Variants in RNF216 observed in about 807,000 individuals in gnomAD.
RNF216 encodes the protein ring finger protein 216.
In RNF216, 72 loss-of-function variants were observed where a neutral mutation model predicts 110.8. The observed-to-expected ratio is 0.65, with a 90% CI of 0.54 to 0.79. The LOEUF (loss-of-function observed/expected upper bound fraction) is 0.79. Ranked by LOEUF, RNF216 falls within the 30% of genes least tolerant of loss-of-function variation. RNF216 has a pLI of 0.00. For missense variants in RNF216, 1,342 were observed against 1,141.2 expected (o/e 1.18, Z -2.54); for synonymous variants, 495 against 407.5 (o/e 1.21, Z -2.59).
chr7:5,774,170 C>A (rs940940044), intron 1 of RNF216, among the ~76,000 whole-genome samples: 5 of 88,392 alleles, frequency 5.7e-5, no homozygotes, highest in Non-Finnish European at 4.3e-5. Context: ...GATAATACTG[C>A]CTATGTTTAA....
intron 1 of RNF216, among the ~76,000 whole-genome samples, chr7:5,780,621 C>T (rs1185400973): frequency 3.3e-5 from 5 of 151,946 alleles, no homozygotes; most frequent in Non-Finnish European, 7.4e-5. Context: ...AGGAAAATCG[C>T]TTGAATCCGG....
intron 15 of RNF216, 75 bp downstream of exon 15, chr7:5,641,079 A>G: frequency 1.6e-6 from 2 of 1,212,996 alleles, no homozygotes; most frequent in Non-Finnish European, 2.3e-6. Context: ...TGTTACGTAT[A>G]TTCAAAATAT....
intron 13 of RNF216, among the ~76,000 whole-genome samples, chr7:5,669,766 C>T (rs1333708483): frequency 6.6e-6 from 1 of 152,096 alleles, no homozygotes; most frequent in Non-Finnish European, 1.5e-5. Context: ...GTGTTGTGCA[C>T]TTGTGATCCA....
In RNF216 at chr7:5,736,648, C is replaced by T. The variant is rs78901221; in HGVS notation, c.1121+2628G>A. On this transcript the variant is annotated intron_variant, in intron 5 of 16. Coordinates refer to ENST00000389902, the MANE Select transcript of RNF216 (RefSeq NM_207111.4). ...CTGGGAAGTGAGGAGCGCCTCTTCCCGGCCACCATCCCTTCTAGGAAGTGA... is the reference window on the plus strand; with the variant it reads ...CTGGGAAGTGAGGAGCGCCTCTTCCTGGCCACCATCCCTTCTAGGAAGTGA... Among the ~76,000 whole-genome samples the T allele has an allele frequency of 2.0e-5, 3 of 151,228 alleles. No homozygotes were observed. In the East Asian group the frequency reaches 5.9e-4, roughly 30 times the overall value.
intron 1 of RNF216, among the ~76,000 whole-genome samples, chr7:5,781,305 G>A (rs1797077042): frequency 6.6e-6 from 1 of 152,078 alleles, no homozygotes; most frequent in African/African-American, 2.4e-5. Context: ...GGGGCCACCC[G>A]GCCGCTCAGC....
Position 5,622,596 on chromosome 7 carries a change from C to T in RNF216, c.*264G>A, listed in dbSNP as rs966399339. On this transcript the variant is annotated 3_prime_UTR_variant, in exon 17 of 17. Transcript: ENST00000389902. ...GCCATGGACAAGGCAGAAGGACTGCCGTTGGTGGCCTGGGGGATGCGAGGG... is the reference window on the plus strand; with the variant it reads ...GCCATGGACAAGGCAGAAGGACTGCTGTTGGTGGCCTGGGGGATGCGAGGG... 7 of 475,158 alleles carry T rather than the reference C, an allele frequency of 1.5e-5. No individual in the cohort carries two copies. The Middle Eastern group carries it at 1.3e-3, about 88-fold the overall frequency. 29.4% of individuals were successfully genotyped at this position (475,158 alleles called of 1,614,324 possible).
At chr7:5,757,285 C>G (rs532903937) in intron 2 of RNF216, among the ~76,000 whole-genome samples, 2 of 152,244 alleles carry the variant, frequency 1.3e-5, no homozygotes, top group South Asian at 4.1e-4. Flanking sequence ...TATCATGTTA[C>G]TAAGTATACA....
At chr7:5,779,905 T>C (rs1796988629) in intron 1 of RNF216, 1 of 150,720 alleles carries the variant, frequency 6.6e-6, no homozygotes, top group African/African-American at 2.4e-5. Context: ...ATACTACATC[T>C]AAAACGCCAC....
At chr7:5,645,771 A>G (rs1788013403) in intron 14 of RNF216, among the ~76,000 whole-genome samples, 1 of 151,940 alleles carries the variant, frequency 6.6e-6, no homozygotes, top group African/African-American at 2.4e-5. Flanking sequence ...TTGTGTTTTT[A>G]GTAGAGAAAG....
chr7:5,697,305 A>G (rs896041157), intron 13 of RNF216, among the ~76,000 whole-genome samples: 1 of 152,246 alleles, frequency 6.6e-6, no homozygotes, highest in Non-Finnish European at 1.5e-5. Flanking sequence ...ATGGTCAGTT[A>G]GGGCCGTGGT....
rs55645443 is a variant in RNF216, at chr7:5,705,917, TAAAACAAAACAAAAC to T, written c.2061+5829_2061+5843del. Reference sequence around the variant, plus strand: ...AGCGAAACTCCATCTCAACAAAAACTAAAACAAAACAAAACAAAACAAAACAAAACAAAACAAAAC... The same window carrying T: ...AGCGAAACTCCATCTCAACAAAAACTAAAACAAAACAAAACAAAACAAAAC... On this transcript the variant is annotated intron_variant, in intron 13 of 16. Coordinates refer to ENST00000389902, the MANE Select transcript of RNF216 (RefSeq NM_207111.4). Among the ~76,000 whole-genome samples the T allele has an allele frequency of 6.4e-3, 919 of 144,066 alleles. 5 individuals are homozygous for T. The highest frequency in any genetic ancestry group is 0.015 in the African/African-American group (564 of 38,444). 94.5% of individuals were successfully genotyped at this position (144,066 alleles called of 152,430 possible).
rs958623853 is a variant in RNF216 at position 5,741,396 on chromosome 7, C to G, written c.621G>C (p.Glu207Asp). ...CTGACTCTCCTAGATTTGATAACAG[C>G]TCTGTCTCTGAGTCTTCGGATGACT... ...QNQSSEDSETELLSNLGESAA... is the reference protein window; with the variant it reads ...QNQSSEDSETDLLSNLGESAA... Residue 207 changes from glutamate to aspartate, a missense_variant, in exon 4 of 17, where the codon GAG becomes GAC. Glu to Asp is a conservative substitution (Grantham distance 45). Transcript: ENST00000389902. The G allele has an allele frequency of 1.1e-5, 17 of 1,614,094 alleles. No individual in the cohort carries two copies. Among genetic ancestry groups the G allele is most frequent in the Admixed American group, 1.7e-5 (1 of 60,004 alleles).
At chr7:5,636,146 A>G (rs1787385149) in intron 15 of RNF216, among the ~76,000 whole-genome samples, 1 of 152,192 alleles carries the variant, frequency 6.6e-6, no homozygotes, top group Admixed American at 6.5e-5. Flanking sequence ...CCATGCAAGG[A>G]CCAGTCAGTA....
intron 8 of RNF216, among the ~76,000 whole-genome samples, chr7:5,722,846 A>AC (rs149527293): frequency 0.069 from 10,233 of 147,748 alleles, 1,137 homozygotes; most frequent in African/African-American, 0.24. Flanking sequence ...ACATGGTGAA[A>AC]CCCCCCAGGC....
Position 5,741,338 on chromosome 7 carries a change from C to T in RNF216, c.679G>A (p.Asp227Asn). The T allele has an allele frequency of 6.2e-7, 1 of 1,614,140 alleles. No homozygotes were observed. The highest frequency in any genetic ancestry group is 8.5e-7 in the Non-Finnish European group (1 of 1,180,004). Residue 227 changes from aspartate (D) to asparagine (N), a missense_variant, in exon 4 of 17, where the codon GAC becomes AAC. Coordinates refer to ENST00000389902, the MANE Select transcript of RNF216 (RefSeq NM_207111.4). ...ALADDQAIEEDCWLDHPYFQS... is the reference protein window; with the variant it reads ...ALADDQAIEENCWLDHPYFQS... The stretch of plus-strand genomic sequence containing the variant: ...AAGTAAGGATGATCTAACCAGCAGT[C>T]TTCTTCGATGGCCTGATCATCTGCT...
At chr7:5,623,229 T>C (rs183364900) in intron 16 of RNF216, 50 bp from the exon 17 acceptor site, 21 of 1,501,900 alleles carry the variant, frequency 1.4e-5, no homozygotes, top group South Asian at 5.3e-5. Context: ...CCAACCTCAA[T>C]GGAATCTAGC....
chr7:5,628,428 G>A (rs982319991), intron 15 of RNF216, among the ~76,000 whole-genome samples: 2 of 152,196 alleles, frequency 1.3e-5, no homozygotes, highest in African/African-American at 4.8e-5. Flanking sequence ...ACAGGACACT[G>A]TGCTTAATAA....
intron 1 of RNF216, among the ~76,000 whole-genome samples, chr7:5,776,946 A>G (rs28555104): frequency 1.3e-4 from 16 of 120,406 alleles, no homozygotes; most frequent in South Asian, 5.5e-4. Flanking sequence ...GAGAGAGAGA[A>G]AAAAAGAAAG....
At chr7:5,661,971 A>G (rs921221224) in intron 13 of RNF216, among the ~76,000 whole-genome samples, 11 of 152,222 alleles carry the variant, frequency 7.2e-5, no homozygotes, top group African/African-American at 2.7e-4. Flanking sequence ...AAAGCAGGTC[A>G]CTGTTTACTG....
Sources: gnomAD v4.1 joint callset for allele counts (sites outside exome capture counted in the v4.1 genomes callset) on GRCh38, gnomAD v4.1.1 for gene constraint, MANE v1.5 for transcripts, NCBI Gene and HGNC (gene_info 2026-07-23, HGNC 2026-07-21) for gene names.